Variants in TMEM132D observed in about 807,000 individuals in gnomAD.
TMEM132D encodes the protein mature OL transmembrane protein.
In TMEM132D, 21 loss-of-function variants were observed where a neutral mutation model predicts 62.3. That is an observed-to-expected ratio of 0.34 (90% CI 0.24 to 0.49). The LOEUF (loss-of-function observed/expected upper bound fraction) is 0.49, where lower values mean the gene tolerates loss of function less well. Ranked by LOEUF, TMEM132D falls within the 20% of genes least tolerant of loss-of-function variation. The probability of loss-of-function intolerance (pLI) is 0.99; values close to 1 mark genes in which losing one functional copy is unlikely to be tolerated. For synonymous variants in TMEM132D, 621 were observed against 575.6 expected (o/e 1.08, Z -1.13); for missense variants, 1,346 against 1,402.8 (o/e 0.96, Z 0.65).
intron 1 of TMEM132D, chr12:129,852,499 G>A (rs71466419): frequency 0.14 from 20,836 of 152,030 alleles, 1,492 homozygotes; most frequent in Middle Eastern, 0.18. Flanking sequence ...AGCTGAGATC[G>A]CACCACTGCA....
rs1377875273 is a variant in TMEM132D, at chr12:129,539,436, A to G, written c.969-8231T>C. ...TTTTTTTTTTTTGAGACGGAGTCTC[A>G]CTCTGTCACCCAGACTGGAGTGCAA... On this transcript the variant is annotated intron_variant, in intron 2 of 8. Coordinates refer to ENST00000422113, the MANE Select transcript of TMEM132D (RefSeq NM_133448.3). Among the ~76,000 whole-genome samples, 6 of 128,420 alleles carry G rather than the reference A, an allele frequency of 4.7e-5. 1 individual carries two copies. The highest frequency in any genetic ancestry group is 6.3e-5 in the Non-Finnish European group (4 of 63,184). 84.2% of individuals were successfully genotyped at this position (128,420 alleles called of 152,430 possible).
intron 4 of TMEM132D, among the ~76,000 whole-genome samples, chr12:129,210,583 A>C (rs1879009687): frequency 6.6e-6 from 1 of 152,050 alleles, no homozygotes; most frequent in African/African-American, 2.4e-5. Context: ...AATGTCCTGA[A>C]CCTTTCCCCT....
At chr12:129,603,000 C>T (rs1197756701) in intron 2 of TMEM132D, among the ~76,000 whole-genome samples, 3 of 152,194 alleles carry the variant, frequency 2.0e-5, no homozygotes, top group Middle Eastern at 3.4e-3. Flanking sequence ...TGAGAGTAAC[C>T]GCCCCCATGA....
At chr12:129,509,999 C>A (rs548240227) in intron 3 of TMEM132D, among the ~76,000 whole-genome samples, 1 of 152,258 alleles carries the variant, frequency 6.6e-6, no homozygotes, top group East Asian at 1.9e-4. Context: ...AATAGGATTG[C>A]TGGGTCTTAT....
intron 5 of TMEM132D, among the ~76,000 whole-genome samples, chr12:129,207,197 A>AAAC (rs1878875231): frequency 6.6e-6 from 1 of 152,178 alleles, no homozygotes; most frequent in African/African-American, 2.4e-5. Context: ...AAGTGGACCC[A>AAAC]AACAGCACCG....
At position 129,660,295 on chromosome 12, in the gene TMEM132D, T is replaced by C. The variant is rs149922308; in HGVS notation, c.968+39515A>G. Among the ~76,000 whole-genome samples the C allele has an allele frequency of 3.4e-3, 457 of 133,228 alleles. 4 individuals are homozygous for C. The highest frequency in any genetic ancestry group is 8.5e-3 in the African/African-American group (310 of 36,652). 87.4% of individuals were successfully genotyped at this position (133,228 alleles called of 152,430 possible). ...GACCTCCTAGAGAAGCACACAGTGG[T>C]TCACTGTGTCTGGGATGCAAGGACA... On this transcript the variant is annotated intron_variant, in intron 2 of 8. Transcript: ENST00000422113.
intron 4 of TMEM132D, among the ~76,000 whole-genome samples, chr12:129,236,547 A>T (rs964604393): frequency 1.3e-5 from 2 of 151,782 alleles, no homozygotes; most frequent in African/African-American, 2.4e-5. Context: ...AAAAAAGAAA[A>T]GAAATGAAAC....
intron 2 of TMEM132D, among the ~76,000 whole-genome samples, chr12:129,558,406 TAG>T (rs1877120991): frequency 6.6e-6 from 1 of 152,102 alleles, no homozygotes; most frequent in South Asian, 2.1e-4. Flanking sequence ...ATATTTCAAT[TAG>T]AGAGTGTTTA....
At chr12:129,335,836 T>C (rs1011218149) in intron 4 of TMEM132D, among the ~76,000 whole-genome samples, 2 of 152,210 alleles carry the variant, frequency 1.3e-5, no homozygotes, top group Non-Finnish European at 2.9e-5. Flanking sequence ...TTTTGGTGAA[T>C]TGGATGCAAC....
intron 4 of TMEM132D, among the ~76,000 whole-genome samples, chr12:129,319,708 C>T (rs1398842310): frequency 6.6e-6 from 1 of 152,138 alleles, no homozygotes; most frequent in Non-Finnish European, 1.5e-5. Flanking sequence ...AAGAGAAGCT[C>T]ATGAGGTTGG....
At chr12:129,289,556 A>AAAAAAAAG (rs1479700290) in intron 4 of TMEM132D, among the ~76,000 whole-genome samples, 6 of 148,652 alleles carry the variant, frequency 4.0e-5, no homozygotes, top group African/African-American at 1.5e-4. Context: ...ATAAAAAAAA[A>AAAAAAAAG]AAAAAAAAGA....
chr12:129,777,354 G>A (rs1373927531), intron 1 of TMEM132D, among the ~76,000 whole-genome samples: 2 of 152,120 alleles, frequency 1.3e-5, no homozygotes, highest in East Asian at 3.8e-4. Flanking sequence ...TTTTAAATTA[G>A]CGATTAATCC....
chr12:129,285,047 T>C (rs976502232), intron 4 of TMEM132D, among the ~76,000 whole-genome samples: 10 of 152,202 alleles, frequency 6.6e-5, no homozygotes, highest in African/African-American at 2.2e-4. Context: ...AATGTTAATT[T>C]GATGTTATTT....
At chr12:129,383,588 G>A (rs1050737364) in intron 3 of TMEM132D, among the ~76,000 whole-genome samples, 1 of 151,980 alleles carries the variant, frequency 6.6e-6, no homozygotes, top group African/African-American at 2.4e-5. Flanking sequence ...ACAGGTGCAT[G>A]CCACTACACC....
At chr12:129,580,661 G>A (rs1021463810) in intron 2 of TMEM132D, among the ~76,000 whole-genome samples, 1 of 151,878 alleles carries the variant, frequency 6.6e-6, no homozygotes, top group African/African-American at 2.4e-5. Context: ...CCGAGATCGC[G>A]CCACTGCACT....
chr12:129,600,125 T>C (rs1593083210), intron 2 of TMEM132D, among the ~76,000 whole-genome samples: 1 of 152,250 alleles, frequency 6.6e-6, no homozygotes, highest in Admixed American at 6.5e-5. Flanking sequence ...CACCCTGCTG[T>C]TGCTTTATCA....
chr12:129,506,131 T>G (rs1358953026), intron 3 of TMEM132D, among the ~76,000 whole-genome samples: 1 of 152,232 alleles, frequency 6.6e-6, no homozygotes, highest in African/African-American at 2.4e-5. Context: ...GTGAGATTTA[T>G]GCTTTAAAGA....
chr12:129,545,005 T>C (rs1253110844), intron 2 of TMEM132D, among the ~76,000 whole-genome samples: 2 of 152,240 alleles, frequency 1.3e-5, no homozygotes, highest in Non-Finnish European at 2.9e-5. Flanking sequence ...AGTATCCATT[T>C]TGGGCAACAG....
intron 2 of TMEM132D, among the ~76,000 whole-genome samples, chr12:129,548,940 T>C (rs1343911455): frequency 6.6e-6 from 1 of 152,242 alleles, no homozygotes; most frequent in African/African-American, 2.4e-5. Flanking sequence ...CTGCCAGACA[T>C]GTGAAAGAAA....
Sources: allele counts gnomAD v4.1 joint callset (sites outside exome capture counted in the v4.1 genomes callset), GRCh38; gene constraint gnomAD v4.1.1; transcripts MANE v1.5; gene names NCBI Gene and HGNC (gene_info 2026-07-23, HGNC 2026-07-21).